MAP7D1: variants seen among roughly 807,000 people sequenced by gnomAD.
MAP7D1 encodes the protein MAP7 domain-containing protein 1.
A neutral mutation model predicts 97.5 loss-of-function variants in MAP7D1; 30 were observed. That is an observed-to-expected ratio of 0.31 (90% confidence interval 0.23 to 0.42). The LOEUF is 0.42. MAP7D1 is among the 10% of genes least tolerant of loss of function. MAP7D1 has a pLI of 1.00. For missense variants in MAP7D1, 1,184 were observed against 1,179.5 expected (o/e 1.00, Z -0.06); for synonymous variants, 536 against 477.1 (o/e 1.12, Z -1.61).
intron 1 of MAP7D1, among the ~76,000 whole-genome samples, chr1:36,158,584 CCA>C (rs1644368356): frequency 6.6e-6 from 1 of 152,154 alleles, no homozygotes; most frequent in Non-Finnish European, 1.5e-5. Flanking sequence ...CCTCCTGGAG[CCA>C]CAGTTTCTGC....
In MAP7D1 at chr1:36,176,578, G is replaced by A. The variant is rs201178476; in HGVS notation, c.1230G>A (p.Ser410=). 11 of 1,513,594 alleles carry A rather than the reference G, an allele frequency of 7.3e-6. No homozygotes were observed. Among genetic ancestry groups the A allele is most frequent in the South Asian group, 1.3e-5 (1 of 76,292 alleles). The allele number at this position is 1,513,594 out of a possible 1,614,324, so 93.8% of individuals were successfully genotyped here. The change falls in exon 7 of 17, where the codon TCG becomes TCA. Residue 410 remains serine (S), a synonymous_variant. Transcript: ENST00000474796. The surrounding 1 kb of genome is among the most constrained non-coding windows in gnomAD (Gnocchi z 6.1). ...CGGTGCGCCGCCGGCCGGAGGCCTC[G>A]CCGGTGAGTGGCTCTACTGGCTCGA... The part of the protein sequence containing the change: ...PAPVRRRPEA[S]PVQKKEKKDK...
chr1:36,158,333 C>T (rs544907694), intron 1 of MAP7D1, among the ~76,000 whole-genome samples: 2 of 152,104 alleles, frequency 1.3e-5, no homozygotes. Flanking sequence ...GTGGGGCTTT[C>T]TGGGAGTAAA....
chr1:36,175,167 G>A lies in MAP7D1; in HGVS notation c.850+159G>A, dbSNP rs538233373. 6.2e-4 allele frequency among the ~76,000 whole-genome samples: 95 copies of A among 152,244 alleles called. 1 individual carries two copies. The highest frequency in any genetic ancestry group is 6.8e-3 in the Middle Eastern group (2 of 294). ...CCAGGGCTCTGTGCCCCTCGGGGGAGCCGGCATATGGGTCTGGACCCTGAG... is the reference window on the plus strand; with the variant it reads ...CCAGGGCTCTGTGCCCCTCGGGGGAACCGGCATATGGGTCTGGACCCTGAG... On this transcript the variant is annotated intron_variant, in intron 6 of 16. Coordinates refer to ENST00000474796, the MANE Select transcript of MAP7D1 (RefSeq NM_001388490.1).
At chr1:36,157,028 G>A (rs1644343053) in intron 1 of MAP7D1, among the ~76,000 whole-genome samples, 2 of 152,336 alleles carry the variant, frequency 1.3e-5, no homozygotes, top group South Asian at 4.1e-4. Context: ...GGCGGGGAGG[G>A]GAAAGGAGGG....
rs745916260 is a variant in MAP7D1, at chr1:36,177,897, C to G, written c.1404C>G (p.Ser468=). 4.5e-6 allele frequency: 7 copies of G among 1,539,978 alleles called. No homozygotes were observed. The East Asian group carries it at 1.6e-4, about 35-fold the overall frequency. The change falls in exon 9 of 17, where the codon TCC becomes TCG. Residue 468 remains serine, a synonymous_variant. Coordinates refer to ENST00000474796, the MANE Select transcript of MAP7D1 (RefSeq NM_001388490.1). ...ELSPKSKARP[S]SPSTSWHRPA... ...GCCCCAAATCCAAGGCCAGGCCATC[C>G]TCTCCCTCCACATCCTGGCACAGGC...
At position 36,173,357 on chromosome 1, in the gene MAP7D1, C is replaced by A. The variant is rs770123980; in HGVS notation, c.625-7C>A. Reference sequence around the variant, plus strand: ...CACATCTCTCTCTTCTCCCCACCTTCCCCCAGGAGCGCTATGAAGCAGCCA... The same window carrying A: ...CACATCTCTCTCTTCTCCCCACCTTACCCCAGGAGCGCTATGAAGCAGCCA... On this transcript the variant is annotated splice_region_variant and splice_polypyrimidine_tract_variant and intron_variant, in intron 4 of 16. Transcript: ENST00000474796. 1 of 1,607,078 alleles carries A rather than the reference C, an allele frequency of 6.2e-7. No homozygotes were observed. The highest frequency in any genetic ancestry group is 8.5e-7 in the Non-Finnish European group (1 of 1,175,568).
intron 12 of MAP7D1, 78 bp from the exon 13 acceptor site, chr1:36,179,184 C>G: frequency 1.3e-6 from 2 of 1,563,336 alleles, no homozygotes; most frequent in Non-Finnish European, 1.8e-6. Flanking sequence ...CCTAAGACTC[C>G]GAGGCCGGGT....
rs1644681673 is a variant in MAP7D1 at position 36,179,325 on chromosome 1, C to T, written c.2184+10C>T. 3.7e-6 allele frequency: 6 copies of T among 1,613,726 alleles called. No individual in the cohort carries two copies. The highest frequency in any genetic ancestry group is 2.2e-5 in the East Asian group (1 of 44,872). On this transcript the variant is annotated intron_variant, in intron 13 of 16. Transcript: ENST00000474796. Reference sequence around the variant, plus strand: ...AGTTTCTGAAACCAAGGTCAGAATTCCCCCGAAGGGCAGTGCTGGGCGTGG... The same window carrying T: ...AGTTTCTGAAACCAAGGTCAGAATTTCCCCGAAGGGCAGTGCTGGGCGTGG...
At chr1:36,173,004 T>G (rs924988931) in intron 4 of MAP7D1, among the ~76,000 whole-genome samples, 2 of 152,188 alleles carry the variant, frequency 1.3e-5, no homozygotes, top group African/African-American at 4.8e-5. Context: ...TGGCCCTACC[T>G]GGGAGGGCCT....
chr1:36,161,863 ATGTG>A (rs371183852), intron 1 of MAP7D1, among the ~76,000 whole-genome samples: 10 of 137,846 alleles, frequency 7.3e-5, no homozygotes, highest in Non-Finnish European at 1.1e-4. Flanking sequence ...TTTCCTCTGC[ATGTG>A]TGTGTGTGTA....
Position 36,176,891 on chromosome 1 carries a change from TC to T in MAP7D1, c.1379+50del, listed in dbSNP as rs1644635309. On this transcript the variant is annotated intron_variant, in intron 8 of 16. Transcript: ENST00000474796. This position sits in a 1 kb window ranked among gnomAD's most constrained non-coding sequence, Gnocchi z 6.1. Reference sequence around the variant, plus strand: ...CCCTGCCCCTCACCGGGTCATTTATTCATCACCCACAAATATTTGTTGGGCA... The same window carrying T: ...CCCTGCCCCTCACCGGGTCATTTATTATCACCCACAAATATTTGTTGGGCA... 4.1e-6 allele frequency: 6 copies of T among 1,464,564 alleles called. No individual in the cohort carries two copies. Among genetic ancestry groups the T allele is most frequent in the Non-Finnish European group, 5.6e-6 (6 of 1,074,498 alleles). The allele number at this position is 1,464,564 out of a possible 1,614,324, so 90.7% of individuals were successfully genotyped here. A position where few individuals can be genotyped will look rare whatever the true frequency, so the allele number is the denominator to read the frequency against.
chr1:36,158,034 C>G (rs892011246), intron 1 of MAP7D1, among the ~76,000 whole-genome samples: 1 of 151,988 alleles, frequency 6.6e-6, no homozygotes, highest in Non-Finnish European at 1.5e-5. Flanking sequence ...GGGGTGGTGA[C>G]TGGGATACAG....
intron 5 of MAP7D1, among the ~76,000 whole-genome samples, chr1:36,173,860 G>A (rs1391098703): frequency 6.6e-6 from 1 of 152,130 alleles, no homozygotes; most frequent in Non-Finnish European, 1.5e-5. Flanking sequence ...TCTCCGCGTA[G>A]GGCCACCATG....
Position 36,173,444 on chromosome 1 carries a change from G to A in MAP7D1, c.705G>A (p.Gly235=). The A allele has an allele frequency of 1.2e-6, 2 of 1,613,958 alleles. No individual in the cohort carries two copies. The highest frequency in any genetic ancestry group is 8.5e-7 in the Non-Finnish European group (1 of 1,179,960). The change falls in exon 5 of 17, where the codon GGG becomes GGA. Residue 235 remains glycine, a synonymous_variant. Coordinates refer to ENST00000474796, the MANE Select transcript of MAP7D1 (RefSeq NM_001388490.1). ...GGCAGCAGCGCTGGTCCTGGGCAGG[G>A]GCCCTGCACCACAGCTCTCCAGGAC... ...EIRQQRWSWA[G]ALHHSSPGHK...
At chr1:36,163,003 CTG>C (rs1644432442) in intron 1 of MAP7D1, among the ~76,000 whole-genome samples, 1 of 152,140 alleles carries the variant, frequency 6.6e-6, no homozygotes, top group African/African-American at 2.4e-5. Context: ...AAAAGCTAGA[CTG>C]AGTTATCAGT....
At chr1:36,169,622 A>G (rs1644516400) in intron 1 of MAP7D1, among the ~76,000 whole-genome samples, 1 of 152,006 alleles carries the variant, frequency 6.6e-6, no homozygotes, top group Admixed American at 6.6e-5. Context: ...CCTGCTCCCT[A>G]AGCAAGTTGG....
At chr1:36,169,979 T>A (rs1335041861) in intron 1 of MAP7D1, among the ~76,000 whole-genome samples, 6 of 151,882 alleles carry the variant, frequency 4.0e-5, no homozygotes, top group Admixed American at 6.6e-5. Flanking sequence ...AATAAAAATT[T>A]AAAAAAAGAG....
intron 2 of MAP7D1, 76 bp from the exon 3 acceptor site, chr1:36,171,437 C>G: frequency 6.3e-7 from 1 of 1,575,694 alleles, no homozygotes; most frequent in South Asian, 1.1e-5. Context: ...GGGTGAGGCC[C>G]GGAGGGAGGG....
At chr1:36,179,431 C>A (rs1398477210) in intron 13 of MAP7D1, 84 bp from the exon 14 acceptor site, 1 of 1,572,566 alleles carries the variant, frequency 6.4e-7, no homozygotes, top group Non-Finnish European at 8.7e-7. Context: ...CGCTGCGGCC[C>A]GGGCAAGGGG....
Sources: gnomAD v4.1 joint callset for allele counts (sites outside exome capture counted in the v4.1 genomes callset) on GRCh38, gnomAD v4.1.1 for gene constraint, Gnocchi (gnomAD v3.1) non-coding constraint, MANE v1.5 for transcripts, NCBI Gene and HGNC (gene_info 2026-07-23, HGNC 2026-07-21) for gene names.